Variants in TOPBP1 observed in about 807,000 individuals in gnomAD.
TOPBP1 encodes the protein DNA topoisomerase II binding protein 1.
A neutral mutation model predicts 167.7 loss-of-function variants in TOPBP1; 28 were observed. The ratio of observed to expected loss-of-function variants is 0.17; its 90% CI spans 0.12 to 0.23. The LOEUF (loss-of-function observed/expected upper bound fraction) is 0.23, where lower values mean the gene tolerates loss of function less well. TOPBP1 is among the 10% of genes least tolerant of loss of function. The pLI is 1.00. For missense variants in TOPBP1, 1,554 were observed against 1,809.6 expected (o/e 0.86, Z 2.56); for synonymous variants, 598 against 611.4 (o/e 0.98, Z 0.32).
intron 4 of TOPBP1, among the ~76,000 whole-genome samples, chr3:133,657,531 A>G (rs1302318900): frequency 6.6e-6 from 1 of 152,074 alleles, no homozygotes; most frequent in Non-Finnish European, 1.5e-5. Flanking sequence ...TAGTGGAAAA[A>G]TGTAAGTGAT....
chr3:133,612,362 TA>T, intron 24 of TOPBP1, 26 bp downstream of exon 24: 3 of 1,610,598 alleles, frequency 1.9e-6, no homozygotes, highest in Non-Finnish European at 2.5e-6. Context: ...TAAAGAAAAA[TA>T]AACTTCCACA....
intron 27 of TOPBP1, among the ~76,000 whole-genome samples, chr3:133,604,336 T>TA (rs2107765637): frequency 6.6e-6 from 1 of 151,434 alleles, no homozygotes; most frequent in Non-Finnish European, 1.5e-5. Flanking sequence ...AGGGTTTCGC[T>TA]ATGTTGGCCA....
Position 133,653,531 on chromosome 3 carries a change from C to T in TOPBP1, c.743-7G>A, listed in dbSNP as rs774704822. 4.6e-6 allele frequency: 7 copies of T among 1,521,640 alleles called. No homozygotes were observed. The highest frequency in any genetic ancestry group is 2.5e-5 in the East Asian group (1 of 40,760). The allele number at this position is 1,521,640 out of a possible 1,614,324, so 94.3% of individuals were successfully genotyped here. ...GCACACTCATACTTCTGACCTGTGG[C>T]GTTCATTAAGAAAGAAATAGAGAAA... On this transcript the variant is annotated splice_region_variant and splice_polypyrimidine_tract_variant and intron_variant, in intron 6 of 27. Transcript: ENST00000260810.
chr3:133,641,829 C>T (rs1239982300), intron 12 of TOPBP1, among the ~76,000 whole-genome samples: 1 of 152,118 alleles, frequency 6.6e-6, no homozygotes, highest in African/African-American at 2.4e-5. Flanking sequence ...ATAATTCAAA[C>T]AGAAAACAGC....
intron 14 of TOPBP1, among the ~76,000 whole-genome samples, chr3:133,630,250 T>A (rs1203616991): frequency 6.6e-6 from 1 of 151,944 alleles, no homozygotes; most frequent in Non-Finnish European, 1.5e-5. Context: ...TGTGATATAA[T>A]ACCCACGTAT....
Position 133,623,373 on chromosome 3 carries a change from G to C in TOPBP1, c.3013C>G (p.Gln1005Glu). Residue 1005 changes from glutamine (Q) to glutamate (E), a missense_variant, in exon 18 of 28, where the codon CAA becomes GAA. Gln to Glu is a conservative substitution (Grantham distance 29). Transcript: ENST00000260810. ...CGACTATTACAGAGCCGGCCATCTT[G>C]CACTGCGCTGATATCCAAGCTCATT... Reference protein sequence around the residue: ...PKMSLDISAVQDGRLCNSRLL... With the variant: ...PKMSLDISAVEDGRLCNSRLL... 6.2e-7 allele frequency: 1 copy of C among 1,613,448 alleles called. No individual in the cohort carries two copies. The highest frequency in any genetic ancestry group is 8.5e-7 in the Non-Finnish European group (1 of 1,179,666).
chr3:133,637,787 C>G, intron 14 of TOPBP1, 89 bp downstream of exon 14: 2 of 1,380,138 alleles, frequency 1.4e-6, no homozygotes, highest in Non-Finnish European at 2.0e-6. Context: ...AAATTTATTA[C>G]TACACTTCAG....
chr3:133,650,573 A>C (rs1333475048), intron 8 of TOPBP1, among the ~76,000 whole-genome samples: 4 of 152,160 alleles, frequency 2.6e-5, no homozygotes. Flanking sequence ...TTTAGCTATC[A>C]GTATATATAT....
chr3:133,652,565 T>C lies in TOPBP1; in HGVS notation c.987A>G (p.Ile329Met). The change falls in exon 8 of 28, where the codon ATA (isoleucine) becomes ATG (methionine). Residue 329 changes from isoleucine to methionine, a missense_variant. Ile to Met is a conservative substitution (Grantham distance 10). Coordinates refer to ENST00000260810, the MANE Select transcript of TOPBP1 (RefSeq NM_007027.4). ...NINASCVSES[I>M]CNSLNSKLEP... The stretch of plus-strand genomic sequence containing the variant: ...CCAGTTTGCTGTTAAGTGAATTACA[T>C]ATTGATTCACTTACGCAACTTGCAT... 6.2e-7 allele frequency: 1 copy of C among 1,611,304 alleles called. No homozygotes were observed. Among genetic ancestry groups the C allele is most frequent in the South Asian group, 1.1e-5 (1 of 90,958 alleles).
At chr3:133,625,836 C>T (rs1344376107) in intron 16 of TOPBP1, among the ~76,000 whole-genome samples, 1 of 152,028 alleles carries the variant, frequency 6.6e-6, no homozygotes, top group Non-Finnish European at 1.5e-5. Context: ...TAAAACATAA[C>T]AATAAAAATA....
Position 133,631,763 on chromosome 3 carries a change from G to A in TOPBP1, c.2521-3030C>T, listed in dbSNP as rs1487035954. ...AGTGATTCTCTTGCCTCAGTCTCTC[G>A]AGTAGCTGGGATTACAGGCATATGC... On this transcript the variant is annotated intron_variant, in intron 14 of 27. Transcript: ENST00000260810. Among the ~76,000 whole-genome samples, 7 of 152,154 alleles carry A rather than the reference G, an allele frequency of 4.6e-5. No homozygotes were observed. In the South Asian group the frequency reaches 6.2e-4, roughly 14 times the overall value.
intron 24 of TOPBP1, among the ~76,000 whole-genome samples, chr3:133,611,665 G>A (rs1358951180): frequency 1.3e-5 from 2 of 152,176 alleles, no homozygotes; most frequent in Admixed American, 6.5e-5. Context: ...TTCGTTGTTT[G>A]GCTTTGTTAT....
intron 16 of TOPBP1, among the ~76,000 whole-genome samples, chr3:133,626,267 G>A (rs1187267195): frequency 6.6e-6 from 1 of 152,180 alleles, no homozygotes; most frequent in Non-Finnish European, 1.5e-5. Flanking sequence ...GTCTAGATCA[G>A]CGGTTTCAGC....
chr3:133,633,893 A>G (rs1430706889), intron 14 of TOPBP1, among the ~76,000 whole-genome samples: 1 of 152,054 alleles, frequency 6.6e-6, no homozygotes, highest in Non-Finnish European at 1.5e-5. Context: ...CAAACTCAGA[A>G]CCCCAAATTT....
At chr3:133,612,322 G>A (rs2107773486) in intron 24 of TOPBP1, 67 bp downstream of exon 24, 1 of 1,578,896 alleles carries the variant, frequency 6.3e-7, no homozygotes, top group Non-Finnish European at 8.6e-7. Context: ...TAACAGGTGT[G>A]AGCCACTGCA....
At chr3:133,619,959 T>C (rs567310957) in intron 20 of TOPBP1, among the ~76,000 whole-genome samples, 196 bp downstream of exon 20, 2 of 152,196 alleles carry the variant, frequency 1.3e-5, no homozygotes, top group Non-Finnish European at 2.9e-5. Flanking sequence ...ATATTTACTG[T>C]TTGGGCTAAA....
At chr3:133,630,650 T>C (rs1445308979) in intron 14 of TOPBP1, among the ~76,000 whole-genome samples, 1 of 152,116 alleles carries the variant, frequency 6.6e-6, no homozygotes, top group East Asian at 1.9e-4. Context: ...CAGAACGGAC[T>C]GAAGTGGCTC....
chr3:133,643,356 T>C lies in TOPBP1; in HGVS notation c.1865A>G (p.Tyr622Cys), dbSNP rs368431604. ...CGACTTTGGATCAAACAAAGTCTGA[T>C]AGTCTATGCAAGTAACCTTTTAAAA... is the stretch of plus-strand genomic sequence containing the variant. ...TNTWLVTCID[Y>C]QTLFDPKSNP... Residue 622 changes from tyrosine (Y) to cysteine (C), a missense_variant, in exon 12 of 28, where the codon TAT (tyrosine) becomes TGT (cysteine). Coordinates refer to ENST00000260810, the MANE Select transcript of TOPBP1 (RefSeq NM_007027.4). 57 of 1,596,494 alleles carry C rather than the reference T, an allele frequency of 3.6e-5. No homozygotes were observed. The highest frequency in any genetic ancestry group is 2.9e-4 in the Admixed American group (16 of 55,580).
chr3:133,638,215 T>C (rs1935746815), intron 13 of TOPBP1, 53 bp from the exon 14 acceptor site: 2 of 1,521,490 alleles, frequency 1.3e-6, no homozygotes, highest in African/African-American at 2.8e-5. Context: ...GCCCACTTTT[T>C]CCCGGTACAC....
Sources: allele counts gnomAD v4.1 joint callset (sites outside exome capture counted in the v4.1 genomes callset), GRCh38; gene constraint gnomAD v4.1.1; transcripts MANE v1.5; gene names NCBI Gene and HGNC (gene_info 2026-07-23, HGNC 2026-07-21).